CDH2: variants seen among roughly 807,000 people sequenced by gnomAD.
CDH2 encodes cadherin 2, also known as cadherin-2.
A neutral mutation model predicts 92.0 loss-of-function variants in CDH2; 17 were observed. The observed-to-expected ratio is 0.18, with a 90% CI of 0.13 to 0.28. CDH2 has a LOEUF of 0.28. CDH2 is among the 10% of genes least tolerant of loss of function. The pLI, the probability that CDH2 is intolerant of heterozygous loss-of-function variation, is 1.00. For synonymous variants in CDH2, 419 were observed against 415.9 expected, an observed-to-expected ratio of 1.01 and a Z score of -0.09; for missense variants, 862 against 1,133.1, an observed-to-expected ratio of 0.76 and a Z score of 3.44.
intron 1 of CDH2, among the ~76,000 whole-genome samples, chr18:28,155,216 C>T (rs2016189116): frequency 1.3e-5 from 2 of 152,144 alleles, no homozygotes; most frequent in Admixed American, 1.3e-4. Flanking sequence ...CCATCTACTA[C>T]CTGTGTGACC....
chr18:28,059,642 C>T (rs1457520085), intron 2 of CDH2, among the ~76,000 whole-genome samples: 1 of 152,180 alleles, frequency 6.6e-6, no homozygotes, highest in Non-Finnish European at 1.5e-5. Flanking sequence ...CTGCCCAACT[C>T]TAGAATTGTG....
intron 14 of CDH2, among the ~76,000 whole-genome samples, chr18:27,972,040 AT>A (rs2011675193): frequency 1.3e-5 from 2 of 152,138 alleles, no homozygotes; most frequent in Non-Finnish European, 1.5e-5. Context: ...TCAAGAAGAG[AT>A]TTCTTGACTC....
chr18:28,128,032 C>T (rs2015706043), intron 2 of CDH2, among the ~76,000 whole-genome samples: 1 of 152,118 alleles, frequency 6.6e-6, no homozygotes, highest in African/African-American at 2.4e-5. Flanking sequence ...GACAGGTTGG[C>T]TGTCATCCTG....
chr18:27,947,629 T>A (rs1189997028), downstream of CDH2, among the ~76,000 whole-genome samples: 6 of 151,834 alleles, frequency 4.0e-5, no homozygotes, highest in Non-Finnish European at 8.9e-5. Flanking sequence ...CATGCTTATA[T>A]GACAACTGTG....
At chr18:28,159,776 C>T (rs1230927830) in intron 1 of CDH2, among the ~76,000 whole-genome samples, 2 of 152,006 alleles carry the variant, frequency 1.3e-5, no homozygotes, top group Admixed American at 1.3e-4. Context: ...CCTGCCTCAG[C>T]CTCCTGAATA....
chr18:28,093,174 T>C (rs8087860), intron 2 of CDH2, among the ~76,000 whole-genome samples: 28,915 of 151,992 alleles, frequency 0.19, 2,978 homozygotes, highest in East Asian at 0.35. Context: ...GTGAAGCTTT[T>C]CTCCAAGAAA....
chr18:28,128,707 C>T (rs1158111523), intron 2 of CDH2, among the ~76,000 whole-genome samples: 1 of 151,544 alleles, frequency 6.6e-6, no homozygotes, highest in Non-Finnish European at 1.5e-5. Context: ...AAAAGTCTGA[C>T]TATTCAACTG....
chr18:28,094,610 T>A (rs572045237), intron 2 of CDH2, among the ~76,000 whole-genome samples: 1 of 151,412 alleles, frequency 6.6e-6, no homozygotes, highest in South Asian at 2.1e-4. Flanking sequence ...CTGGCTAACA[T>A]GGTGAAACCC....
intron 2 of CDH2, among the ~76,000 whole-genome samples, chr18:28,110,367 G>A (rs1328286924): frequency 1.3e-5 from 2 of 152,170 alleles, no homozygotes; most frequent in Non-Finnish European, 2.9e-5. Flanking sequence ...TTAAGGCCAG[G>A]AGTAAGAGAC....
chr18:28,082,232 C>T (rs898606828), intron 2 of CDH2, among the ~76,000 whole-genome samples: 1 of 149,310 alleles, frequency 6.7e-6, no homozygotes, highest in African/African-American at 2.4e-5. Context: ...TATATGGAGA[C>T]TCTTGTCTCT....
At position 27,943,279 on chromosome 18, in the gene CDH2, G is replaced by A. The variant is rs1057167931; in HGVS notation, c.1152-10155C>T. Among the ~76,000 whole-genome samples the A allele has an allele frequency of 9.2e-5, 14 of 152,146 alleles. 1 individual carries two copies. The highest frequency in any genetic ancestry group is 2.9e-4 in the African/African-American group (12 of 41,418). On this transcript the variant is annotated intron_variant, in intron 6 of 6. Transcript: ENST00000675173. Reference sequence around the variant, plus strand: ...CTAGAGATAAGTAAGTGTGAGCTCTGGAGCTAGACAGTTGGGCTTAATAAA... The same window carrying A: ...CTAGAGATAAGTAAGTGTGAGCTCTAGAGCTAGACAGTTGGGCTTAATAAA...
chr18:27,933,403 A>T (rs1908947682), intron 6 of CDH2, among the ~76,000 whole-genome samples: 1 of 152,308 alleles, frequency 6.6e-6, no homozygotes, highest in Non-Finnish European at 1.5e-5. Context: ...TATAAAATGT[A>T]TAGGTATGTT....
chr18:28,166,986 C>T (rs1042221735), intron 1 of CDH2, among the ~76,000 whole-genome samples: 2 of 152,098 alleles, frequency 1.3e-5, no homozygotes, highest in African/African-American at 4.8e-5. Flanking sequence ...CCCGGATACA[C>T]ACAGTGTGTG....
At chr18:28,032,767 C>A (rs1258946314) in intron 2 of CDH2, among the ~76,000 whole-genome samples, 1 of 152,030 alleles carries the variant, frequency 6.6e-6, no homozygotes, top group Non-Finnish European at 1.5e-5. Flanking sequence ...GTGGGTGGTA[C>A]TGATGCCCAA....
rs769297692 is a variant in CDH2 at position 27,988,526 on chromosome 18, T to C, written c.1739A>G (p.Asn580Ser). 6.8e-6 allele frequency: 11 copies of C among 1,612,582 alleles called. No individual in the cohort carries two copies. The highest frequency in any genetic ancestry group is 1.1e-5 in the South Asian group (1 of 90,878). Residue 580 changes from asparagine to serine, a missense_variant and splice_region_variant, in exon 11 of 16, where the codon AAT becomes AGT. By Grantham distance (46) the Asn-to-Ser change is conservative (BLOSUM62 1). Transcript: ENST00000269141. ...IYNATFLASD[N>S]GIPPMSGTGT... Reference sequence around the variant, plus strand: ...ACAAGAAAAAACAGCGAACATACCATTGTCAGAAGCAAGGAAAGTAGCATT... The same window carrying C: ...ACAAGAAAAAACAGCGAACATACCACTGTCAGAAGCAAGGAAAGTAGCATT...
At chr18:27,995,969 G>C (rs1340684672) in intron 7 of CDH2, among the ~76,000 whole-genome samples, 1 of 152,134 alleles carries the variant, frequency 6.6e-6, no homozygotes, top group Admixed American at 6.5e-5. Flanking sequence ...TGGGCATCTG[G>C]CTGTGAATGA....
rs186973982 is a variant in CDH2, at chr18:28,053,930, C to T, written c.173-40021G>A. ...AATTTTAAGTTCCTCTTGGGTTGGACTCTGCTCTTTTTGCATCGAGCCCCT... is the reference window on the plus strand; with the variant it reads ...AATTTTAAGTTCCTCTTGGGTTGGATTCTGCTCTTTTTGCATCGAGCCCCT... On this transcript the variant is annotated intron_variant, in intron 2 of 15. Coordinates refer to ENST00000269141, the MANE Select transcript of CDH2 (RefSeq NM_001792.5). Among the ~76,000 whole-genome samples, 5 of 152,112 alleles carry T rather than the reference C, an allele frequency of 3.3e-5. No homozygotes were observed. In the East Asian group the frequency reaches 7.8e-4, roughly 24 times the overall value.
intron 1 of CDH2, among the ~76,000 whole-genome samples, chr18:28,162,849 G>A (rs554928818): frequency 3.9e-5 from 6 of 152,286 alleles, no homozygotes; most frequent in South Asian, 2.1e-4. Context: ...TGATAATAAC[G>A]TCTACCTATT....
chr18:27,985,851 T>A, intron 11 of CDH2, 90 bp from the exon 12 acceptor site: 1 of 780,894 alleles, frequency 1.3e-6, no homozygotes, highest in Non-Finnish European at 2.1e-6. Flanking sequence ...TCTAACCTTC[T>A]GGCCCTTTTA....
Sources: allele counts gnomAD v4.1 joint callset (sites outside exome capture counted in the v4.1 genomes callset), GRCh38; gene constraint gnomAD v4.1.1; transcripts MANE v1.5; gene names NCBI Gene and HGNC (gene_info 2026-07-23, HGNC 2026-07-21).